MPHOSPH9: variants seen among roughly 807,000 people sequenced by gnomAD.
MPHOSPH9 encodes the protein M-phase phosphoprotein 9.
A neutral mutation model predicts 145.5 loss-of-function variants in MPHOSPH9; 88 were observed. The ratio of observed to expected loss-of-function variants is 0.60; its 90% CI spans 0.51 to 0.72. The LOEUF (loss-of-function observed/expected upper bound fraction) is 0.72, where lower values mean the gene tolerates loss of function less well. MPHOSPH9 is among the 30% of genes least tolerant of loss of function. The pLI, the probability that MPHOSPH9 is intolerant of heterozygous loss-of-function variation, is 0.00. For synonymous variants in MPHOSPH9, 435 were observed against 486.2 expected (o/e 0.89, Z 1.39); for missense variants, 1,238 against 1,386.6 (o/e 0.89, Z 1.70).
At chr12:123,223,360 T>G (rs564181658) in intron 3 of MPHOSPH9, among the ~76,000 whole-genome samples, 1 of 152,160 alleles carries the variant, frequency 6.6e-6, no homozygotes, top group South Asian at 2.1e-4. Flanking sequence ...ACAGACCACA[T>G]GCAGCAATAT....
At chr12:123,220,706 T>G (rs1401985483) in intron 5 of MPHOSPH9, among the ~76,000 whole-genome samples, 1 of 151,958 alleles carries the variant, frequency 6.6e-6, no homozygotes, top group Non-Finnish European at 1.5e-5. Context: ...CAGTGAGCTA[T>G]GATTGCACCA....
intron 22 of MPHOSPH9, 49 bp downstream of exon 22, chr12:123,161,087 A>G (rs766778927): frequency 6.3e-7 from 1 of 1,593,076 alleles, no homozygotes; most frequent in Non-Finnish European, 8.6e-7. Context: ...CCTTAGACAT[A>G]AGCATTAAGT....
At chr12:123,157,410 A>G (rs1450099606) in intron 23 of MPHOSPH9, among the ~76,000 whole-genome samples, 3 of 151,630 alleles carry the variant, frequency 2.0e-5, no homozygotes, top group Admixed American at 6.6e-5. Flanking sequence ...TTCACAATGA[A>G]TTAACAATTG....
In MPHOSPH9 at chr12:123,162,152, T is replaced by C. The variant is rs1454219150; in HGVS notation, c.3096A>G (p.Arg1032=). Residue 1032 remains arginine (R), a synonymous_variant, in exon 21 of 24, where the codon AGA becomes AGG. Transcript: ENST00000606320. ...CTAGAGGAAGAAACTGGAGTTGCTT[T>C]CTTGGATTGGTACGTTGTAATGTAG... ...PVSTLQRTNP[R]KQLQFLPLDD... 6 of 1,588,942 alleles carry C rather than the reference T, an allele frequency of 3.8e-6. No individual in the cohort carries two copies. The highest frequency in any genetic ancestry group is 5.1e-6 in the Non-Finnish European group (6 of 1,166,006).
Position 123,210,174 on chromosome 12 carries a change from A to T in MPHOSPH9, c.1088-12T>A. On this transcript the variant is annotated splice_polypyrimidine_tract_variant and intron_variant, in intron 7 of 23. Coordinates refer to ENST00000606320, the MANE Select transcript of MPHOSPH9 (RefSeq NM_022782.4). Reference sequence around the variant, plus strand: ...CCAGTAAGTCAATCCTGATGTGCACAAACACACAGAATAGAAAAGAGTGAG... The same window carrying T: ...CCAGTAAGTCAATCCTGATGTGCACTAACACACAGAATAGAAAAGAGTGAG... The T allele has an allele frequency of 1.3e-6, 2 of 1,510,408 alleles. No individual in the cohort carries two copies. The highest frequency in any genetic ancestry group is 1.8e-6 in the Non-Finnish European group (2 of 1,109,892). The allele number at this position is 1,510,408 out of a possible 1,614,324, so 93.6% of individuals were successfully genotyped here. A position where few individuals can be genotyped will look rare whatever the true frequency, so the allele number is the denominator to read the frequency against.
chr12:123,189,004 C>G (rs1283724347), intron 13 of MPHOSPH9, among the ~76,000 whole-genome samples: 2 of 152,134 alleles, frequency 1.3e-5, no homozygotes, highest in Admixed American at 1.3e-4. Context: ...CCACTACACT[C>G]CAGCTTGAAT....
Position 123,161,276 on chromosome 12 carries a change from T to C in MPHOSPH9, c.3241A>G (p.Lys1081Glu). 1 of 1,614,146 alleles carries C rather than the reference T, an allele frequency of 6.2e-7. No homozygotes were observed. Among genetic ancestry groups the C allele is most frequent in the Middle Eastern group, 1.6e-4 (1 of 6,062 alleles). ...TGTTCGTAGCTAACTGATTTATTCT[T>C]CTCCCAGGCTGTTCTCACAGATACT... ...KKVSVRTAWE[K>E]NKSVSYEQCK... Residue 1081 changes from lysine to glutamate, a missense_variant, in exon 22 of 24, where the codon AAG becomes GAG. Around this residue, in one of 3 missense-constraint regions of MPHOSPH9, gnomAD observed 393 missense variants for 462.5 expected, o/e 0.85. Transcript: ENST00000606320.
intron 1 of MPHOSPH9, among the ~76,000 whole-genome samples, chr12:123,243,346 T>C (rs2047975217): frequency 6.6e-6 from 1 of 151,772 alleles, no homozygotes; most frequent in Non-Finnish European, 1.5e-5. Flanking sequence ...CTGGCTAACA[T>C]GGCAAAACCC....
Position 123,169,841 on chromosome 12 carries a change from T to C in MPHOSPH9, c.2457-3052A>G, listed in dbSNP as rs527586612. Among the ~76,000 whole-genome samples the C allele has an allele frequency of 1.8e-3, 270 of 152,068 alleles. 3 individuals carry two copies. The South Asian group carries it at 0.023, about 13-fold the overall frequency. Reference sequence around the variant, plus strand: ...CTAACCTTAAGTGATCTGCCCACCTTGGCCTCCCAAAGTGCTGGGATTACA... The same window carrying C: ...CTAACCTTAAGTGATCTGCCCACCTCGGCCTCCCAAAGTGCTGGGATTACA... On this transcript the variant is annotated intron_variant, in intron 16 of 23. Coordinates refer to ENST00000606320, the MANE Select transcript of MPHOSPH9 (RefSeq NM_022782.4).
intron 4 of MPHOSPH9, among the ~76,000 whole-genome samples, chr12:123,222,144 C>T (rs1404242716): frequency 6.6e-6 from 1 of 150,930 alleles, no homozygotes; most frequent in Non-Finnish European, 1.5e-5. Context: ...ACCAGCTTGG[C>T]CAACACGGTG....
intron 13 of MPHOSPH9, among the ~76,000 whole-genome samples, chr12:123,182,259 T>G (rs1354118910): frequency 1.4e-5 from 1 of 69,408 alleles, no homozygotes; most frequent in South Asian, 6.3e-4. Flanking sequence ...GTTTTTTTTT[T>G]TGTTTTTTTT....
Position 123,203,278 on chromosome 12 carries a change from GAAGT to G in MPHOSPH9, c.1288_1291del (p.Thr430LeufsTer12), listed in dbSNP as rs2046297941. The stretch of plus-strand genomic sequence containing the variant: ...TGGTGGATGATTTGGGTTGGAAGCA[GAAGT>G]GAGATTCCTCTCAGGTAACTGCTTG... On this transcript the variant is annotated frameshift_variant, in exon 9 of 24. Transcript: ENST00000606320. LOFTEE classifies it high-confidence loss of function. 6.2e-7 allele frequency: 1 copy of G among 1,613,804 alleles called. No individual in the cohort carries two copies. The highest frequency in any genetic ancestry group is 1.1e-5 in the South Asian group (1 of 90,976).
chr12:123,171,510 A>T (rs2044580046), intron 16 of MPHOSPH9, among the ~76,000 whole-genome samples: 1 of 151,602 alleles, frequency 6.6e-6, no homozygotes, highest in African/African-American at 2.4e-5. Context: ...GCACTTTGGG[A>T]GGCTGAGGTG....
chr12:123,164,359 G>C (rs540924640), intron 18 of MPHOSPH9, among the ~76,000 whole-genome samples: 1 of 152,192 alleles, frequency 6.6e-6, no homozygotes, highest in Non-Finnish European at 1.5e-5. Flanking sequence ...CGGCATTCAA[G>C]GTGATTTTCA....
At position 123,202,282 on chromosome 12, in the gene MPHOSPH9, T is replaced by C. The variant is rs745858060; in HGVS notation, c.1819A>G (p.Ile607Val). 1.2e-6 allele frequency: 2 copies of C among 1,611,128 alleles called. No homozygotes were observed. Among genetic ancestry groups the C allele is most frequent in the South Asian group, 1.1e-5 (1 of 90,138 alleles). Residue 607 changes from isoleucine (I) to valine (V), a missense_variant, in exon 11 of 24, where the codon ATA (isoleucine) becomes GTA (valine). Ile to Val is a conservative substitution (Grantham distance 29). Around this residue, in one of 3 missense-constraint regions of MPHOSPH9, gnomAD observed 837 missense variants for 897.5 expected, o/e 0.93. Coordinates refer to ENST00000606320, the MANE Select transcript of MPHOSPH9 (RefSeq NM_022782.4). ...TCATAATAAGCTCGAAGATCTGCTATGTGTCGAGCATGCTTTTCCTTCAGA... is the reference window on the plus strand; with the variant it reads ...TCATAATAAGCTCGAAGATCTGCTACGTGTCGAGCATGCTTTTCCTTCAGA... ...QNLKEKHARH[I>V]ADLRAYYESE...
Position 123,206,940 on chromosome 12 carries a change from C to T in MPHOSPH9, c.1194+3116G>A, listed in dbSNP as rs147866731. ...AAAAAAAGTTATATAATAGGCCAGG[C>T]ACAGTGACTCACAGCTGTAATCCCA... is the stretch of plus-strand genomic sequence containing the variant. On this transcript the variant is annotated intron_variant, in intron 8 of 23. Coordinates refer to ENST00000606320, the MANE Select transcript of MPHOSPH9 (RefSeq NM_022782.4). 6.0e-3 allele frequency among the ~76,000 whole-genome samples: 910 copies of T among 151,694 alleles called. 7 individuals are homozygous for T. In the Middle Eastern group the frequency reaches 0.061, roughly 10 times the overall value.
chr12:123,183,405 A>G (rs1616484), intron 13 of MPHOSPH9, among the ~76,000 whole-genome samples: 82,665 of 151,414 alleles, frequency 0.55, 27,102 homozygotes, highest in Non-Finnish European at 0.71. Context: ...AAAATTAGTC[A>G]GGTGTGGTGG....
At position 123,210,074 on chromosome 12, in the gene MPHOSPH9, T is replaced by C; in HGVS notation, c.1176A>G (p.Thr392=). 1 of 1,610,142 alleles carries C rather than the reference T, an allele frequency of 6.2e-7. No homozygotes were observed. The change falls in exon 8 of 24, where the codon ACA becomes ACG. Residue 392 remains threonine (T), a synonymous_variant. Coordinates refer to ENST00000606320, the MANE Select transcript of MPHOSPH9 (RefSeq NM_022782.4). The part of the protein sequence containing the change: ...LEKTFISLSS[T]DVSPNQSNTS... Reference sequence around the variant, plus strand: ...AAATTACCTGGTTTGGTGACACATCTGTGGAAGACAATGATATGAACGTCT... The same window carrying C: ...AAATTACCTGGTTTGGTGACACATCCGTGGAAGACAATGATATGAACGTCT...
rs750849529 is a variant in MPHOSPH9, at chr12:123,162,764, C to T, written c.3029+250G>A. The T allele has an allele frequency of 1.0e-4, 38 of 380,272 alleles. 1 individual carries two copies. The highest frequency in any genetic ancestry group is 1.7e-4 in the South Asian group (2 of 11,958). 23.6% of individuals were successfully genotyped at this position (380,272 alleles called of 1,614,324 possible). On this transcript the variant is annotated intron_variant, in intron 20 of 23. Coordinates refer to ENST00000606320, the MANE Select transcript of MPHOSPH9 (RefSeq NM_022782.4). The stretch of plus-strand genomic sequence containing the variant: ...AGGAAAACAAAGAACTATCATTCTA[C>T]ATACAAAAGCTGACAGGGGTGCTGA...
Sources: gnomAD v4.1 joint callset for allele counts (sites outside exome capture counted in the v4.1 genomes callset) on GRCh38, gnomAD v4.1.1 for gene constraint, gnomAD v4.1.1 regional missense constraint, MANE v1.5 for transcripts, NCBI Gene and HGNC (gene_info 2026-07-23, HGNC 2026-07-21) for gene names.